Variants in PLXNA4 observed in about 807,000 individuals in gnomAD.
PLXNA4 encodes plexin A4.
A neutral mutation model predicts 191.8 loss-of-function variants in PLXNA4; 44 were observed. That is an observed-to-expected ratio of 0.23 (90% confidence interval 0.18 to 0.29). The LOEUF is 0.29. Among genes scored for constraint, PLXNA4 ranks in the 10% least tolerant of loss-of-function variants. The probability of loss-of-function intolerance (pLI) is 1.00; values close to 1 mark genes in which losing one functional copy is unlikely to be tolerated. For synonymous variants in PLXNA4, 1,082 were observed against 1,009.5 expected (o/e 1.07, Z -1.36); for missense variants, 1,800 against 2,488.8 (o/e 0.72, Z 5.89).
chr7:132,259,646 A>G (rs1799565628), intron 4 of PLXNA4, among the ~76,000 whole-genome samples: 1 of 151,970 alleles, frequency 6.6e-6, no homozygotes, highest in South Asian at 2.1e-4. Context: ...CGGTCCATCC[A>G]CTACCCACCA....
upstream of PLXNA4, chr7:132,576,511 A>ACGTGTG: frequency 2.0e-6 from 2 of 982,858 alleles, no homozygotes; most frequent in Non-Finnish European, 2.4e-6. The surrounding 1 kb of genome is among the most constrained non-coding windows in gnomAD (Gnocchi z 5.8). Flanking sequence ...CCTCCTCTGA[A>ACGTGTG]CGTGTGCGTG....
intron 3 of PLXNA4, among the ~76,000 whole-genome samples, chr7:132,320,069 T>C (rs138507987): frequency 5.9e-5 from 9 of 152,314 alleles, no homozygotes; most frequent in African/African-American, 2.2e-4. Flanking sequence ...AAAGTCAGCA[T>C]GACACAAGAC....
rs768138901 is a variant in PLXNA4, at chr7:132,148,581, T to G, written c.4726A>C (p.Asn1576His). Residue 1576 changes from asparagine to histidine, a missense_variant, in exon 26 of 32, where the codon AAT becomes CAT. This residue lies in a region of PLXNA4 where 214 missense variants were observed against 298.2 expected (regional missense o/e 0.72). Coordinates refer to ENST00000321063, the MANE Select transcript of PLXNA4 (RefSeq NM_020911.2). The part of the protein sequence containing the change: ...QDEDITTKIE[N>H]DWKRLNTLAH... ...AGTGTGTTCAGTCGCTTCCAATCATTCTCAATCTTGGTGGTGATGTCTTCA... is the reference window on the plus strand; with the variant it reads ...AGTGTGTTCAGTCGCTTCCAATCATGCTCAATCTTGGTGGTGATGTCTTCA... 1 of 1,614,130 alleles carries G rather than the reference T, an allele frequency of 6.2e-7. No homozygotes were observed. The highest frequency in any genetic ancestry group is 8.5e-7 in the Non-Finnish European group (1 of 1,180,000).
intron 1 of PLXNA4, among the ~76,000 whole-genome samples, chr7:132,510,678 C>T (rs1479623106): frequency 6.6e-6 from 1 of 152,146 alleles, no homozygotes; most frequent in Non-Finnish European, 1.5e-5. Context: ...GGGCAAGGAG[C>T]AGGCTGCAGG....
At chr7:132,151,991 T>C (rs1468358571) in intron 25 of PLXNA4, among the ~76,000 whole-genome samples, 1 of 152,188 alleles carries the variant, frequency 6.6e-6, no homozygotes, top group African/African-American at 2.4e-5. Context: ...CTGCCCTCCT[T>C]CCTTTCCTGA....
chr7:132,248,420 G>A lies in PLXNA4; in HGVS notation c.1504-7254C>T, dbSNP rs1799133421. Among the ~76,000 whole-genome samples the A allele has an allele frequency of 2.0e-5, 3 of 152,282 alleles. No homozygotes were observed. The South Asian group carries it at 6.2e-4, about 32-fold the overall frequency. The stretch of plus-strand genomic sequence containing the variant: ...TGGTTTGTTACAAAGCTTTATTGTG[G>A]CAATAGCTAGCTGATACACAGGTGC... On this transcript the variant is annotated intron_variant, in intron 4 of 31. Transcript: ENST00000321063.
At chr7:132,513,957 T>A (rs1798838516) in intron 1 of PLXNA4, among the ~76,000 whole-genome samples, 1 of 152,012 alleles carries the variant, frequency 6.6e-6, no homozygotes, top group South Asian at 2.1e-4. Context: ...ATTATGGGCA[T>A]GAGCCACTGT....
chr7:132,334,096 T>C (rs1043031508), intron 3 of PLXNA4, among the ~76,000 whole-genome samples: 5 of 152,116 alleles, frequency 3.3e-5, no homozygotes, highest in African/African-American at 1.2e-4. Flanking sequence ...GTAATCTCCT[T>C]AATGGAACTC....
rs114991993 is a variant in PLXNA4, at chr7:132,155,598, C to T, written c.4660+3875G>A. ...TGTGGGTGGAAAGGGACATTTTAAA[C>T]CTGGTTGTGGGGACAGCCTCACGTG... On this transcript the variant is annotated intron_variant, in intron 25 of 31. Coordinates refer to ENST00000321063, the MANE Select transcript of PLXNA4 (RefSeq NM_020911.2). 1.7e-3 allele frequency among the ~76,000 whole-genome samples: 262 copies of T among 152,232 alleles called. 2 individuals carry two copies. The highest frequency in any genetic ancestry group is 6.1e-3 in the African/African-American group (255 of 41,562).
chr7:132,528,892 C>G (rs77297521), intron 1 of PLXNA4, among the ~76,000 whole-genome samples: 1 of 152,136 alleles, frequency 6.6e-6, no homozygotes, highest in Non-Finnish European at 1.5e-5. Context: ...TACCAGAAGG[C>G]GAAAGCATCT....
intron 2 of PLXNA4, among the ~76,000 whole-genome samples, chr7:132,494,936 G>C (rs1351325784): frequency 6.6e-6 from 1 of 152,196 alleles, no homozygotes; most frequent in South Asian, 2.1e-4. Context: ...GAGACTCCCT[G>C]GGAAGGGCTG....
intron 2 of PLXNA4, among the ~76,000 whole-genome samples, chr7:132,499,497 C>T (rs906339929): frequency 1.3e-5 from 2 of 152,240 alleles, no homozygotes; most frequent in East Asian, 1.9e-4. Flanking sequence ...CCAGTGGCTA[C>T]CTGTCAGGGG....
At chr7:132,527,244 A>G (rs576462801) in intron 1 of PLXNA4, among the ~76,000 whole-genome samples, 69 of 152,156 alleles carry the variant, frequency 4.5e-4, no homozygotes, top group Non-Finnish European at 9.0e-4. Flanking sequence ...GCACCTCCTC[A>G]AGTAGACGTT....
At chr7:132,385,425 AT>A in intron 3 of PLXNA4, 1 of 1,317,736 alleles carries the variant, frequency 7.6e-7, no homozygotes, top group Non-Finnish European at 9.9e-7. Flanking sequence ...GTAAATATGT[AT>A]TACAAAATGT....
intron 3 of PLXNA4, among the ~76,000 whole-genome samples, chr7:132,372,865 T>C (rs1489637142): frequency 1.3e-5 from 2 of 152,186 alleles, no homozygotes; most frequent in East Asian, 1.9e-4. Flanking sequence ...TTAAAGAAGA[T>C]AATCTTTGTC....
At chr7:132,618,157 C>A (rs1300465911) in intron 2 of PLXNA4, among the ~76,000 whole-genome samples, 1 of 152,214 alleles carries the variant, frequency 6.6e-6, no homozygotes, top group African/African-American at 2.4e-5. Flanking sequence ...CCTAGCTGGG[C>A]AGCCATTGGT....
At chr7:132,437,782 G>T (rs1795532980) in intron 3 of PLXNA4, among the ~76,000 whole-genome samples, 1 of 152,108 alleles carries the variant, frequency 6.6e-6, no homozygotes, top group African/African-American at 2.4e-5. Flanking sequence ...AGCAACATGA[G>T]TACACACACT....
chr7:132,522,259 A>G (rs1799218617), intron 1 of PLXNA4, among the ~76,000 whole-genome samples: 1 of 151,780 alleles, frequency 6.6e-6, no homozygotes, highest in Non-Finnish European at 1.5e-5. Context: ...AACCATCACC[A>G]CCTCTCATTG....
At position 132,126,917 on chromosome 7, in the gene PLXNA4, C is replaced by CATG. The variant is rs2116471711; in HGVS notation, c.*3559_*3561dup. 6.6e-6 allele frequency: 1 copy of CATG among 152,298 alleles called. No individual in the cohort carries two copies. Among genetic ancestry groups the CATG allele is most frequent in the South Asian group, 2.1e-4 (1 of 4,822 alleles). The allele number at this position is 152,298 out of a possible 1,614,324, so 9.4% of individuals were successfully genotyped here. A position where few individuals can be genotyped will look rare whatever the true frequency, so the allele number is the denominator to read the frequency against. On this transcript the variant is annotated 3_prime_UTR_variant, in exon 32 of 32. Coordinates refer to ENST00000321063, the MANE Select transcript of PLXNA4 (RefSeq NM_020911.2). ...AATATTTTCCTGAGGAAGTAACTGG[C>CATG]ATGATGGCCACCTTCACTTAGTGGC...
Sources: allele counts gnomAD v4.1 joint callset (sites outside exome capture counted in the v4.1 genomes callset), GRCh38; gene constraint gnomAD v4.1.1; regional missense constraint gnomAD v4.1.1; non-coding constraint Gnocchi (gnomAD v3.1); transcripts MANE v1.5; gene names NCBI Gene and HGNC (gene_info 2026-07-23, HGNC 2026-07-21).